Variants in GPR158 observed in about 807,000 individuals in gnomAD.
The protein encoded by GPR158 is G protein-coupled receptor 158, also known as metabotropic glycine receptor.
Under a neutral mutation model 78.2 loss-of-function variants are expected in GPR158, and 30 were observed. The observed-to-expected ratio is 0.38, with a 90% CI of 0.29 to 0.52. GPR158 has a LOEUF of 0.52. Among genes scored for constraint, GPR158 ranks in the 20% least tolerant of loss-of-function variants. GPR158 has a pLI of 0.83. For missense variants in GPR158, 1,463 were observed against 1,523.5 expected (o/e 0.96, Z 0.66); for synonymous variants, 581 against 591.1 (o/e 0.98, Z 0.25).
At chr10:25,509,430 T>C (rs1487699244) in intron 5 of GPR158, among the ~76,000 whole-genome samples, 1 of 152,202 alleles carries the variant, frequency 6.6e-6, no homozygotes, top group East Asian at 1.9e-4. Flanking sequence ...GACAAGCTAC[T>C]GCAGAAATGG....
chr10:25,270,068 G>A (rs1854097623), intron 2 of GPR158, among the ~76,000 whole-genome samples: 2 of 152,262 alleles, frequency 1.3e-5, no homozygotes, highest in Admixed American at 1.3e-4. Flanking sequence ...TTTTTGGGGA[G>A]ATCTACGGGT....
chr10:25,355,622 C>A (rs1206426467), intron 2 of GPR158, among the ~76,000 whole-genome samples: 1 of 151,992 alleles, frequency 6.6e-6, no homozygotes, highest in Admixed American at 6.6e-5. Context: ...TTCCAGTTTT[C>A]TGTGTCTAGC....
At chr10:25,276,427 G>A (rs545664935) in intron 2 of GPR158, among the ~76,000 whole-genome samples, 1 of 152,292 alleles carries the variant, frequency 6.6e-6, no homozygotes, top group South Asian at 2.1e-4. Context: ...AGTGGAATGG[G>A]TATAAGAATA....
At chr10:25,536,491 G>A (rs191396696) in intron 5 of GPR158, among the ~76,000 whole-genome samples, 7 of 152,216 alleles carry the variant, frequency 4.6e-5, no homozygotes, top group Admixed American at 1.3e-4. Context: ...GTTTCTAATG[G>A]CCTTCGTTAA....
At chr10:25,507,814 T>C (rs182368843) in intron 5 of GPR158, among the ~76,000 whole-genome samples, 3 of 152,356 alleles carry the variant, frequency 2.0e-5, no homozygotes, top group Admixed American at 6.5e-5. Context: ...CAAAGATTTA[T>C]ACTTCCGGAA....
chr10:25,186,213 A>G (rs1187697601), intron 1 of GPR158, among the ~76,000 whole-genome samples: 1 of 152,232 alleles, frequency 6.6e-6, no homozygotes, highest in Non-Finnish European at 1.5e-5. Context: ...TCTGGGACAC[A>G]TTTAAAGCGG....
chr10:25,402,631 T>C (rs1300093394), intron 3 of GPR158, among the ~76,000 whole-genome samples: 1 of 151,960 alleles, frequency 6.6e-6, no homozygotes, highest in Admixed American at 6.6e-5. Flanking sequence ...ATCAAGACAA[T>C]ATGAATGGTA....
At chr10:25,317,089 G>A (rs1564420328) in intron 2 of GPR158, among the ~76,000 whole-genome samples, 1 of 150,694 alleles carries the variant, frequency 6.6e-6, no homozygotes, top group African/African-American at 2.4e-5. Context: ...ACTCACCCAG[G>A]GTGGAGTGCA....
intron 6 of GPR158, among the ~76,000 whole-genome samples, chr10:25,568,752 T>C (rs17557021): frequency 0.29 from 44,224 of 152,110 alleles, 7,183 homozygotes; most frequent in Non-Finnish European, 0.37. Flanking sequence ...TTAATGAAAA[T>C]TGAATGTACA....
At chr10:25,565,163 G>A (rs115653626) in intron 6 of GPR158, among the ~76,000 whole-genome samples, 2,322 of 152,236 alleles carry the variant, frequency 0.015, 49 homozygotes, top group African/African-American at 0.053. Context: ...GGTCATAACC[G>A]TCAGAAGGAC....
At chr10:25,417,577 A>C (rs1834680301) in intron 4 of GPR158, among the ~76,000 whole-genome samples, 1 of 152,166 alleles carries the variant, frequency 6.6e-6, no homozygotes. Flanking sequence ...GCTGGTCTTT[A>C]CTGAGTTTTC....
chr10:25,309,526 G>A (rs1192481850), intron 2 of GPR158, among the ~76,000 whole-genome samples: 1 of 151,980 alleles, frequency 6.6e-6, no homozygotes, highest in Non-Finnish European at 1.5e-5. Context: ...GTCCTTTGCT[G>A]CAGAAAGCTT....
At chr10:25,246,572 A>G (rs1017300101) in intron 2 of GPR158, among the ~76,000 whole-genome samples, 3 of 152,212 alleles carry the variant, frequency 2.0e-5, no homozygotes, top group Non-Finnish European at 4.4e-5. Flanking sequence ...TATCGGGGGA[A>G]TAGAATGATG....
rs766431436 is a variant in GPR158 at position 25,600,378 on chromosome 10, T to C, written c.*1104T>C. On this transcript the variant is annotated 3_prime_UTR_variant, in exon 11 of 11. Transcript: ENST00000376351. The stretch of plus-strand genomic sequence containing the variant: ...ATTATTACTATTGGAAAGGGAAGAC[T>C]CTAGGGATGACATAAGAATTATAGC... The C allele has an allele frequency of 6.6e-5, 10 of 152,452 alleles. No homozygotes were observed. The highest frequency in any genetic ancestry group is 1.0e-4 in the Non-Finnish European group (7 of 68,016). 9.4% of individuals were successfully genotyped at this position (152,452 alleles called of 1,614,324 possible). A position where few individuals can be genotyped will look rare whatever the true frequency, so the allele number is the denominator to read the frequency against.
chr10:25,416,476 A>C (rs940043593), intron 4 of GPR158, among the ~76,000 whole-genome samples: 2 of 152,072 alleles, frequency 1.3e-5, no homozygotes, highest in African/African-American at 4.8e-5. Flanking sequence ...CTTTTCTAGG[A>C]AGTTTAAGCT....
intron 5 of GPR158, among the ~76,000 whole-genome samples, chr10:25,542,823 CAAAAAAAAA>C (rs5783943): frequency 3.2e-5 from 3 of 94,374 alleles, no homozygotes; most frequent in African/African-American, 1.2e-4. Flanking sequence ...AACTCCATCT[CAAAAAAAAA>C]AAAAAAAAAA....
chr10:25,393,486 C>T (rs1382823681), intron 2 of GPR158: 2 of 152,158 alleles, frequency 1.3e-5, no homozygotes, highest in Non-Finnish European at 2.9e-5. Context: ...AGTGTCGCGA[C>T]GTCGTAACGG....
intron 1 of GPR158, among the ~76,000 whole-genome samples, chr10:25,208,442 A>G (rs1853076970): frequency 6.6e-6 from 1 of 152,236 alleles, no homozygotes. Flanking sequence ...TTGTAAAAGA[A>G]TAAACAAAAT....
intron 2 of GPR158, among the ~76,000 whole-genome samples, chr10:25,251,949 A>G (rs1853807652): frequency 6.6e-6 from 1 of 152,046 alleles, no homozygotes; most frequent in Non-Finnish European, 1.5e-5. Flanking sequence ...TTTCAGATAC[A>G]CCAATCAGAC....
Sources: allele counts gnomAD v4.1 joint callset (sites outside exome capture counted in the v4.1 genomes callset), GRCh38; gene constraint gnomAD v4.1.1; transcripts MANE v1.5; gene names NCBI Gene and HGNC (gene_info 2026-07-23, HGNC 2026-07-21).